OAS1: variants seen among roughly 807,000 people sequenced by gnomAD.
OAS1 encodes the protein 2'-5'-oligoadenylate synthetase 1.
Under a neutral mutation model 38.5 loss-of-function variants are expected in OAS1, and 24 were observed. The ratio of observed to expected loss-of-function variants is 0.62; its 90% confidence interval spans 0.45 to 0.88. The LOEUF is 0.88. Ranked by LOEUF, OAS1 falls within the 40% of genes least tolerant of loss-of-function variation. The probability of loss-of-function intolerance (pLI) is 0.00; values close to 1 mark genes in which losing one functional copy is unlikely to be tolerated. For synonymous variants in OAS1, 169 were observed against 193.9 expected, an observed-to-expected ratio of 0.87 and a Z score of 1.07; for missense variants, 482 against 493.9, an observed-to-expected ratio of 0.98 and a Z score of 0.23.
chr12:112,919,303 G>A, intron 5 of OAS1, 86 bp from the exon 6 acceptor site: 1 of 1,243,530 alleles, frequency 8.0e-7, no homozygotes, highest in Non-Finnish European at 1.1e-6. Context: ...CAGATGGCAT[G>A]TCACAGTGTC....
At chr12:112,911,272 C>CT in intron 3 of OAS1, 37 bp downstream of exon 3, 1 of 1,430,200 alleles carries the variant, frequency 7.0e-7, no homozygotes, top group Non-Finnish European at 9.4e-7. Flanking sequence ...GGTCCTGTCT[C>CT]GACTGGGAGC....
At chr12:112,922,770 T>C (rs10850095), downstream of OAS1, among the ~76,000 whole-genome samples, 114,638 of 152,254 alleles carry the variant, frequency 0.75, 44,397 homozygotes, top group African/African-American at 0.94. Flanking sequence ...CCTTCTTCCA[T>C]CAGCTCCACA....
intron 1 of OAS1, among the ~76,000 whole-genome samples, chr12:112,908,334 C>G (rs1325653670): frequency 6.6e-6 from 1 of 152,134 alleles, no homozygotes; most frequent in Non-Finnish European, 1.5e-5. Context: ...CACTGAGCAT[C>G]CATTTTCCCA....
chr12:112,922,090 A>G (rs1043019051), downstream of OAS1, among the ~76,000 whole-genome samples: 4 of 152,170 alleles, frequency 2.6e-5, no homozygotes, highest in Non-Finnish European at 5.9e-5. Context: ...TTTCGTTATC[A>G]GTGTTGATCC....
chr12:112,914,924 C>T (rs1367688684), intron 3 of OAS1, among the ~76,000 whole-genome samples: 1 of 150,092 alleles, frequency 6.7e-6, no homozygotes, highest in Non-Finnish European at 1.5e-5. Flanking sequence ...ATTTGTATAT[C>T]TTCATTTGAG....
Position 112,917,776 on chromosome 12 carries a change from A to G in OAS1, c.1038+76A>G, listed in dbSNP as rs764483014. The G allele has an allele frequency of 6.2e-6, 10 of 1,613,942 alleles. No homozygotes were observed. In the Admixed American group the frequency reaches 1.5e-4, roughly 24 times the overall value. On this transcript the variant is annotated intron_variant, in intron 5 of 5. Transcript: ENST00000202917. Reference sequence around the variant, plus strand: ...AGCTTGAGACATATAGCTGGAGACCATTCTTTCCAAAGAACTTACCTCTTG... The same window carrying G: ...AGCTTGAGACATATAGCTGGAGACCGTTCTTTCCAAAGAACTTACCTCTTG...
At chr12:112,911,309 A>G in intron 3 of OAS1, 74 bp downstream of exon 3, 1 of 1,206,046 alleles carries the variant, frequency 8.3e-7, no homozygotes, top group Non-Finnish European at 1.1e-6. Flanking sequence ...GAGGAGAGAA[A>G]GAAGGGAGTG....
intron 2 of OAS1, among the ~76,000 whole-genome samples, chr12:112,910,184 A>G (rs980802794): frequency 5.9e-5 from 9 of 152,128 alleles, no homozygotes; most frequent in African/African-American, 2.2e-4. Context: ...CCTGGCCAAC[A>G]TGGTGAAATC....
downstream of OAS1, among the ~76,000 whole-genome samples, chr12:112,920,829 G>A (rs1306849238): frequency 6.6e-6 from 1 of 152,186 alleles, no homozygotes; most frequent in African/African-American, 2.4e-5. Flanking sequence ...ACATCCCTGT[G>A]AGATGGGTTT....
At chr12:112,932,259 T>A (rs1268965123), downstream of OAS1, 2 of 208,974 alleles carry the variant, frequency 9.6e-6, no homozygotes, top group African/African-American at 4.7e-5. Context: ...GTTAGCTGTG[T>A]ATGACTGAAA....
exon 7 of OAS1, chr12:112,931,896 G>C (rs751003929): frequency 3.1e-6 from 2 of 635,600 alleles, no homozygotes; most frequent in South Asian, 3.1e-5. Context: ...CACACTGGTT[G>C]GCAGAAGGAA....
chr12:112,927,226 A>C (rs2043565324), intron 6 of OAS1, among the ~76,000 whole-genome samples: 1 of 152,216 alleles, frequency 6.6e-6, no homozygotes, highest in African/African-American at 2.4e-5. Flanking sequence ...AAAGACAGAC[A>C]TAGGAAATTA....
intron 2 of OAS1, among the ~76,000 whole-genome samples, chr12:112,910,656 A>G (rs1305707863): frequency 6.6e-6 from 1 of 152,184 alleles, no homozygotes; most frequent in African/African-American, 2.4e-5. Context: ...AGGAAGCAAG[A>G]CAGGAGGTGA....
chr12:112,914,730 G>GTTTTT (rs60578734), intron 3 of OAS1, among the ~76,000 whole-genome samples: 9 of 118,486 alleles, frequency 7.6e-5, no homozygotes, highest in Non-Finnish European at 8.9e-5. Flanking sequence ...GTTGGTATTT[G>GTTTTT]TTTTTTTTTT....
intron 3 of OAS1, among the ~76,000 whole-genome samples, chr12:112,915,253 T>C (rs1188726114): frequency 1.3e-5 from 2 of 152,216 alleles, no homozygotes; most frequent in African/African-American, 4.8e-5. Flanking sequence ...TGGTTTCAGG[T>C]CTTAGATTTA....
rs377027609 is a variant in OAS1 at position 112,907,097 on chromosome 12, C to T, written c.58C>T (p.Leu20Phe). 87 of 1,614,108 alleles carry T rather than the reference C, an allele frequency of 5.4e-5. No individual in the cohort carries two copies. The highest frequency in any genetic ancestry group is 6.9e-5 in the Non-Finnish European group (82 of 1,180,042). ...TCTGGACAAGTTCATTGAAGACTAT[C>T]TCTTGCCAGACACGTGTTTCCGCAT... ...KSLDKFIEDY[L>F]LPDTCFRMQI... The change falls in exon 1 of 6, where the codon CTC becomes TTC. Residue 20 changes from leucine (L) to phenylalanine (F), a missense_variant. Leu to Phe is a conservative substitution (Grantham distance 22). Coordinates refer to ENST00000202917, the MANE Select transcript of OAS1 (RefSeq NM_016816.4).
intron 3 of OAS1, among the ~76,000 whole-genome samples, chr12:112,915,979 T>A (rs1348185041): frequency 6.6e-6 from 1 of 152,246 alleles, no homozygotes; most frequent in East Asian, 1.9e-4. Flanking sequence ...ATTTGAAAAT[T>A]ATGTGTGAAA....
intron 6 of OAS1, among the ~76,000 whole-genome samples, chr12:112,926,707 T>C (rs10850100): frequency 0.74 from 112,859 of 151,838 alleles, 43,235 homozygotes; most frequent in African/African-American, 0.94. Context: ...CCACTGTGCA[T>C]GCATTGTCAT....
At chr12:112,927,343 A>T (rs4766672) in intron 6 of OAS1, among the ~76,000 whole-genome samples, 1 of 151,962 alleles carries the variant, frequency 6.6e-6, no homozygotes, top group Non-Finnish European at 1.5e-5. Context: ...CTGACTTCCC[A>T]CAACATCACT....
Sources: allele counts gnomAD v4.1 joint callset (sites outside exome capture counted in the v4.1 genomes callset), GRCh38; gene constraint gnomAD v4.1.1; transcripts MANE v1.5; gene names NCBI Gene and HGNC (gene_info 2026-07-23, HGNC 2026-07-21).